Variants in MROH7 observed in about 807,000 individuals in gnomAD.
MROH7 encodes maestro heat like repeat family member 7, also known as maestro heat-like repeat-containing protein family member 7.
A neutral mutation model predicts 129.2 loss-of-function variants in MROH7; 113 were observed. That is an observed-to-expected ratio of 0.87 (90% CI 0.75 to 1.02). The LOEUF (loss-of-function observed/expected upper bound fraction) is 1.02, where lower values mean the gene tolerates loss of function less well. Ranked by LOEUF, MROH7 falls within the 50% of genes least tolerant of loss-of-function variation. MROH7 has a pLI of 0.00. For synonymous variants in MROH7, 655 were observed against 667.9 expected (o/e 0.98, Z 0.30); for missense variants, 1,601 against 1,671.3 (o/e 0.96, Z 0.73).
rs1017212822 is a variant in MROH7, at chr1:54,670,577, G to A, written c.1469+1G>A. 2 of 1,611,704 alleles carry A rather than the reference G, an allele frequency of 1.2e-6. No homozygotes were observed. The highest frequency in any genetic ancestry group is 1.7e-6 in the Non-Finnish European group (2 of 1,178,918). On this transcript the variant is annotated splice_donor_variant, in intron 6 of 23. Coordinates refer to ENST00000421030, the MANE Select transcript of MROH7 (RefSeq NM_001039464.4). LOFTEE classifies it high-confidence loss of function. The stretch of plus-strand genomic sequence containing the variant: ...CCATGGAGATCCTGACCCAGCTGAG[G>A]TGTCCATGGCCCTCTCCCTGTTCCC...
At chr1:54,705,093 C>T (rs746436306) in intron 21 of MROH7, among the ~76,000 whole-genome samples, 1 of 152,124 alleles carries the variant, frequency 6.6e-6, no homozygotes, top group South Asian at 2.1e-4. Context: ...CCACTGCACC[C>T]GGCTGAATGT....
chr1:54,658,744 T>A (rs907045750), intron 3 of MROH7, among the ~76,000 whole-genome samples: 6 of 152,296 alleles, frequency 3.9e-5, no homozygotes, highest in Non-Finnish European at 8.8e-5. Context: ...ACTTTGGCAC[T>A]ATTGATATTT....
chr1:54,684,995 C>A (rs536068891), intron 14 of MROH7, among the ~76,000 whole-genome samples: 2 of 152,144 alleles, frequency 1.3e-5, no homozygotes, highest in African/African-American at 4.8e-5. Context: ...GGCCCAGATG[C>A]ATGGAGTCTT....
chr1:54,679,788 G>A (rs538431198), intron 12 of MROH7, 103 bp from the exon 13 acceptor site: 9 of 1,167,286 alleles, frequency 7.7e-6, no homozygotes, highest in Non-Finnish European at 1.1e-5. Flanking sequence ...CTTCTCCCCT[G>A]TCCTCTAGCC....
intron 14 of MROH7, 95 bp from the exon 15 acceptor site, chr1:54,686,163 C>A: frequency 8.5e-7 from 1 of 1,179,468 alleles, no homozygotes; most frequent in Non-Finnish European, 1.2e-6. Context: ...AGCAAAGACC[C>A]AGATCCTACC....
intron 14 of MROH7, among the ~76,000 whole-genome samples, chr1:54,683,461 T>C (rs1361989930): frequency 6.6e-6 from 1 of 152,198 alleles, no homozygotes; most frequent in Non-Finnish European, 1.5e-5. Flanking sequence ...CCCTGGTCCA[T>C]GCCAGTTGGT....
chr1:54,654,999 A>G (rs183320254), intron 3 of MROH7, among the ~76,000 whole-genome samples: 2 of 149,876 alleles, frequency 1.3e-5, no homozygotes, highest in East Asian at 3.9e-4. Context: ...AGGTGTTCAT[A>G]TCTGATGAGA....
chr1:54,703,618 A>C lies in MROH7; in HGVS notation c.3564+873A>C, dbSNP rs555195180. Among the ~76,000 whole-genome samples the C allele has an allele frequency of 6.6e-6, 1 of 152,068 alleles. No individual in the cohort carries two copies. Among genetic ancestry groups the C allele is most frequent in the Non-Finnish European group, 1.5e-5 (1 of 68,004 alleles). On this transcript the variant is annotated intron_variant, in intron 21 of 23. Coordinates refer to ENST00000421030, the MANE Select transcript of MROH7 (RefSeq NM_001039464.4). This position sits in a 1 kb window ranked among gnomAD's most constrained non-coding sequence, Gnocchi z 4.4. ...ATACCTGTGAACATCATGAGGTAGG[A>C]GCAAGCCGCGTGCATGTGCGCGCGC...
chr1:54,680,653 A>T (rs1159659048), intron 13 of MROH7, among the ~76,000 whole-genome samples: 1 of 152,184 alleles, frequency 6.6e-6, no homozygotes, highest in Non-Finnish European at 1.5e-5. Context: ...CTGTGGTCAG[A>T]TGGTGAGCTC....
chr1:54,681,524 A>G (rs1286090417), intron 13 of MROH7, among the ~76,000 whole-genome samples: 1 of 152,252 alleles, frequency 6.6e-6, no homozygotes, highest in East Asian at 1.9e-4. Flanking sequence ...TATTACCATA[A>G]GTAATGTTGC....
intron 14 of MROH7, among the ~76,000 whole-genome samples, chr1:54,683,149 C>G (rs896677363): frequency 1.3e-5 from 2 of 152,150 alleles, no homozygotes; most frequent in African/African-American, 4.8e-5. Flanking sequence ...CCAGCCTGGG[C>G]ACTATAGCAA....
chr1:54,680,580 G>A (rs758099082), intron 13 of MROH7, among the ~76,000 whole-genome samples: 1 of 152,218 alleles, frequency 6.6e-6, no homozygotes, highest in African/African-American at 2.4e-5. Context: ...GCCTGGGCCC[G>A]TGCGGAAGGG....
chr1:54,687,010 A>G (rs1259054513), intron 15 of MROH7, among the ~76,000 whole-genome samples: 1 of 152,110 alleles, frequency 6.6e-6, no homozygotes, highest in Non-Finnish European at 1.5e-5. Flanking sequence ...ATTACATACT[A>G]TATCTTAGAG....
chr1:54,703,740 C>T lies in MROH7; in HGVS notation c.3564+995C>T, dbSNP rs1267309785. On this transcript the variant is annotated intron_variant, in intron 21 of 23. Transcript: ENST00000421030. The surrounding 1 kb of genome is among the most constrained non-coding windows in gnomAD (Gnocchi z 4.4). ...TTGCCCGCGGTCTCAATCTACCTTC[C>T]CTGTTGTTGTGGGCAGCAGTGAGCA... 2.6e-5 allele frequency among the ~76,000 whole-genome samples: 4 copies of T among 152,106 alleles called. No individual in the cohort carries two copies. Among genetic ancestry groups the T allele is most frequent in the African/African-American group, 9.7e-5 (4 of 41,420 alleles).
chr1:54,661,153 T>C (rs1290108717), intron 3 of MROH7, among the ~76,000 whole-genome samples: 1 of 152,152 alleles, frequency 6.6e-6, no homozygotes, highest in Non-Finnish European at 1.5e-5. Context: ...ACATGAATTT[T>C]GACTCTTTTC....
chr1:54,680,978 C>G (rs1645061002), intron 13 of MROH7, among the ~76,000 whole-genome samples: 2 of 152,028 alleles, frequency 1.3e-5, no homozygotes, highest in Non-Finnish European at 2.9e-5. Context: ...ACTAAACAGT[C>G]AGACTCATAA....
intron 1 of MROH7, among the ~76,000 whole-genome samples, chr1:54,650,910 G>A (rs1488434389): frequency 1.3e-5 from 2 of 151,886 alleles, no homozygotes; most frequent in African/African-American, 4.8e-5. Context: ...TTTTTTGTAG[G>A]GACAGAGTCT....
chr1:54,686,170 T>C (rs1371731761), intron 14 of MROH7, 88 bp from the exon 15 acceptor site: 3 of 1,245,942 alleles, frequency 2.4e-6, no homozygotes, highest in Non-Finnish European at 3.3e-6. Context: ...ACCCAGATCC[T>C]ACCTCCCAGA....
At position 54,692,540 on chromosome 1, in the gene MROH7, G is replaced by A. The variant is rs772933221; in HGVS notation, c.2828G>A (p.Arg943His). ...ELMEQVESHH[R>H]GVALLARAMV... ...ATGGAGCAGGTGGAGAGCCACCACCGCGGAGTGGCCTTGCTGGCAAGGTGA... is the reference window on the plus strand; with the variant it reads ...ATGGAGCAGGTGGAGAGCCACCACCACGGAGTGGCCTTGCTGGCAAGGTGA... Residue 943 changes from arginine (R) to histidine (H), a missense_variant, in exon 16 of 24, where the codon CGC (arginine) becomes CAC (histidine). By Grantham distance (29) the Arg-to-His change is conservative. Coordinates refer to ENST00000421030, the MANE Select transcript of MROH7 (RefSeq NM_001039464.4). 2.9e-5 allele frequency: 46 copies of A among 1,613,568 alleles called. No homozygotes were observed. Among genetic ancestry groups the A allele is most frequent in the South Asian group, 7.7e-5 (7 of 91,080 alleles).
Sources: allele counts gnomAD v4.1 joint callset (sites outside exome capture counted in the v4.1 genomes callset), GRCh38; gene constraint gnomAD v4.1.1; non-coding constraint Gnocchi (gnomAD v3.1); transcripts MANE v1.5; gene names NCBI Gene and HGNC (gene_info 2026-07-23, HGNC 2026-07-21).